The following CPNE4 variants were observed in gnomAD, a reference collection of about 807,000 sequenced individuals.
The protein encoded by CPNE4 is copine-4.
A neutral mutation model predicts 67.9 loss-of-function variants in CPNE4; 25 were observed. The ratio of observed to expected loss-of-function variants is 0.37; its 90% CI spans 0.27 to 0.51. The LOEUF (loss-of-function observed/expected upper bound fraction) is 0.51. CPNE4 is among the 20% of genes least tolerant of loss of function. The pLI, the probability that CPNE4 is intolerant of heterozygous loss-of-function variation, is 0.93. For missense variants in CPNE4, 464 were observed against 690.8 expected, an observed-to-expected ratio of 0.67 and a Z score of 3.68; for synonymous variants, 242 against 244.9, an observed-to-expected ratio of 0.99 and a Z score of 0.11.
chr3:131,661,756 A>AT (rs571418090), intron 7 of CPNE4, among the ~76,000 whole-genome samples: 82 of 150,678 alleles, frequency 5.4e-4, no homozygotes, highest in South Asian at 1.9e-3. Context: ...CTATCCAAGG[A>AT]TTTTTTTTTT....
chr3:131,904,965 T>C (rs1037863842), intron 2 of CPNE4, among the ~76,000 whole-genome samples: 19 of 152,212 alleles, frequency 1.2e-4, no homozygotes, highest in African/African-American at 4.3e-4. Context: ...CTGTTCCTGG[T>C]CCTCTTGCTA....
At chr3:131,864,418 T>C (rs1279273728) in intron 2 of CPNE4, among the ~76,000 whole-genome samples, 2 of 152,196 alleles carry the variant, frequency 1.3e-5, no homozygotes, top group Admixed American at 6.5e-5. Context: ...AAGAGGTCCT[T>C]CATGTTCCTT....
At chr3:132,027,356 C>A (rs1411774153) in intron 1 of CPNE4, among the ~76,000 whole-genome samples, 2 of 152,138 alleles carry the variant, frequency 1.3e-5, no homozygotes, top group Non-Finnish European at 2.9e-5. Flanking sequence ...GAGGGGTGTG[C>A]ATAATTTTAT....
At chr3:131,944,571 C>T (rs116071502) in intron 1 of CPNE4, among the ~76,000 whole-genome samples, 5,558 of 152,048 alleles carry the variant, frequency 0.037, 137 homozygotes, top group Middle Eastern at 0.068. Context: ...ACACCAACAA[C>T]CCAGATGAGG....
chr3:131,782,163 C>T (rs13096367), intron 2 of CPNE4, among the ~76,000 whole-genome samples: 36,701 of 151,946 alleles, frequency 0.24, 4,725 homozygotes, highest in East Asian at 0.34. Flanking sequence ...GGACTTCCAA[C>T]CAAGGAGGTC....
chr3:131,987,003 C>A (rs1204488546), intron 1 of CPNE4, among the ~76,000 whole-genome samples: 1 of 152,132 alleles, frequency 6.6e-6, no homozygotes, highest in South Asian at 2.1e-4. Flanking sequence ...ATCAGAATCT[C>A]TGGAAGTGGT....
At chr3:131,741,843 G>A (rs992631507) in intron 2 of CPNE4, among the ~76,000 whole-genome samples, 1 of 152,140 alleles carries the variant, frequency 6.6e-6, no homozygotes, top group African/African-American at 2.4e-5. Flanking sequence ...GCCTGCTCAT[G>A]TAACCCCATT....
intron 1 of CPNE4, among the ~76,000 whole-genome samples, chr3:132,018,466 G>A (rs1427701229): frequency 2.6e-5 from 4 of 152,188 alleles, no homozygotes; most frequent in African/African-American, 9.7e-5. Flanking sequence ...TGCCAACTGA[G>A]TTTCATGAAA....
At chr3:131,831,512 A>T (rs2107995518) in intron 2 of CPNE4, among the ~76,000 whole-genome samples, 1 of 152,314 alleles carries the variant, frequency 6.6e-6, no homozygotes, top group South Asian at 2.1e-4. Flanking sequence ...ATGAAAACTA[A>T]AAAATTTATT....
chr3:131,965,645 T>C (rs988047662), intron 1 of CPNE4, among the ~76,000 whole-genome samples: 6 of 152,092 alleles, frequency 3.9e-5, no homozygotes, highest in African/African-American at 1.4e-4. Flanking sequence ...TACATAATGG[T>C]AAAGGGATCA....
chr3:131,762,130 A>G (rs2082903940), intron 2 of CPNE4, among the ~76,000 whole-genome samples: 1 of 151,902 alleles, frequency 6.6e-6, no homozygotes, highest in Admixed American at 6.6e-5. Context: ...TGCCCCTTCC[A>G]TCAAATCCTC....
chr3:131,851,754 T>C (rs1161897795), intron 2 of CPNE4, among the ~76,000 whole-genome samples: 1 of 152,114 alleles, frequency 6.6e-6, no homozygotes, highest in Non-Finnish European at 1.5e-5. Flanking sequence ...TTTCTATTCC[T>C]GGCTTTCCCT....
intron 7 of CPNE4, among the ~76,000 whole-genome samples, chr3:131,612,946 T>C (rs1203031384): frequency 6.6e-6 from 1 of 152,212 alleles, no homozygotes; most frequent in Non-Finnish European, 1.5e-5. Flanking sequence ...CTGCAAGCCC[T>C]GAAGAGGAAG....
chr3:131,992,960 A>T (rs969772044), intron 1 of CPNE4, among the ~76,000 whole-genome samples: 2 of 136,312 alleles, frequency 1.5e-5, no homozygotes, highest in African/African-American at 4.9e-5. Context: ...CTCCTTAGCC[A>T]CGCTGAACTG....
chr3:131,784,989 AC>A (rs2083520481), intron 2 of CPNE4, among the ~76,000 whole-genome samples: 2 of 152,078 alleles, frequency 1.3e-5, no homozygotes, highest in Non-Finnish European at 2.9e-5. Context: ...TCCCAGTTGC[AC>A]CTCTCACTAT....
intron 2 of CPNE4, among the ~76,000 whole-genome samples, chr3:131,877,191 T>C (rs551893545): frequency 3.3e-5 from 5 of 152,136 alleles, no homozygotes; most frequent in African/African-American, 1.2e-4. Flanking sequence ...AGGGACAAAA[T>C]TTTGTCCTTT....
intron 1 of CPNE4, among the ~76,000 whole-genome samples, chr3:131,958,609 C>CTTT (rs748126986): frequency 0.014 from 1,296 of 95,446 alleles, 143 homozygotes; most frequent in African/African-American, 0.022. Context: ...TCTTTCTTTT[C>CTTT]TTTTTTTTTT....
At chr3:131,583,468 A>T (rs577619308) in intron 8 of CPNE4, among the ~76,000 whole-genome samples, 68 of 152,338 alleles carry the variant, frequency 4.5e-4, no homozygotes, top group African/African-American at 1.6e-3. Flanking sequence ...CACTAAAATT[A>T]GCTGTGCCAT....
At chr3:131,890,440 A>G (rs1282391099) in intron 2 of CPNE4, among the ~76,000 whole-genome samples, 2 of 151,870 alleles carry the variant, frequency 1.3e-5, no homozygotes, top group Non-Finnish European at 1.5e-5. Context: ...TTAGAAAAAA[A>G]AAACCTACCA....
Sources: gnomAD v4.1 joint callset for allele counts (sites outside exome capture counted in the v4.1 genomes callset) on GRCh38, gnomAD v4.1.1 for gene constraint, MANE v1.5 for transcripts, NCBI Gene and HGNC (gene_info 2026-07-23, HGNC 2026-07-21) for gene names.